PARD3: variants seen among roughly 807,000 people sequenced by gnomAD.
The protein encoded by PARD3 is partitioning defective 3 homolog.
Under a neutral mutation model 155.4 loss-of-function variants are expected in PARD3, and 75 were observed. The ratio of observed to expected loss-of-function variants is 0.48; its 90% CI spans 0.40 to 0.58. PARD3 has a LOEUF of 0.58. PARD3 is among the 20% of genes least tolerant of loss of function. The pLI is 0.00. For missense variants in PARD3, 1,642 were observed against 1,721.7 expected (o/e 0.95, Z 0.82); for synonymous variants, 576 against 610.5 (o/e 0.94, Z 0.83).
At chr10:34,463,385 G>GAA (rs1184365647) in intron 4 of PARD3, among the ~76,000 whole-genome samples, 5 of 144,124 alleles carry the variant, frequency 3.5e-5, no homozygotes, top group Admixed American at 1.4e-4. Context: ...AGGGGAAGGG[G>GAA]AAAAGGAAGG....
intron 12 of PARD3, among the ~76,000 whole-genome samples, chr10:34,367,147 C>A (rs1840043666): frequency 6.6e-6 from 1 of 152,168 alleles, no homozygotes; most frequent in South Asian, 2.1e-4. Context: ...TCAAAGTAAT[C>A]TGCCCCTTCA....
intron 22 of PARD3, among the ~76,000 whole-genome samples, chr10:34,229,659 T>TGC (rs1161881078): frequency 9.2e-4 from 94 of 101,914 alleles, no homozygotes; most frequent in Admixed American, 5.7e-4. Context: ...TAGTTGAGGG[T>TGC]GCGTGTGTGT....
chr10:34,160,205 C>T (rs1319302843), intron 22 of PARD3, among the ~76,000 whole-genome samples: 2 of 152,128 alleles, frequency 1.3e-5, no homozygotes, highest in Non-Finnish European at 2.9e-5. Flanking sequence ...AGTTATCATT[C>T]GAATGCACTG....
chr10:34,486,955 T>C (rs2133269767), intron 3 of PARD3, among the ~76,000 whole-genome samples: 1 of 152,232 alleles, frequency 6.6e-6, no homozygotes, highest in East Asian at 1.9e-4. Flanking sequence ...TGATTTATTC[T>C]CTCTCTCCAG....
At chr10:34,320,941 G>A (rs951348617) in intron 19 of PARD3, among the ~76,000 whole-genome samples, 4 of 152,052 alleles carry the variant, frequency 2.6e-5, no homozygotes, top group Non-Finnish European at 5.9e-5. Context: ...GCAATATGTA[G>A]CTTCATATGT....
intron 20 of PARD3, among the ~76,000 whole-genome samples, chr10:34,291,124 C>T (rs1956656377): frequency 6.6e-6 from 1 of 152,184 alleles, no homozygotes; most frequent in Non-Finnish European, 1.5e-5. Flanking sequence ...AACACAATAA[C>T]AAACTTACTT....
intron 2 of PARD3, among the ~76,000 whole-genome samples, chr10:34,652,425 T>C (rs1185436609): frequency 6.6e-6 from 1 of 152,182 alleles, no homozygotes; most frequent in African/African-American, 2.4e-5. Flanking sequence ...TTTCACTTTC[T>C]TCCCAAGCTA....
intron 2 of PARD3, among the ~76,000 whole-genome samples, chr10:34,555,418 T>C (rs1034010331): frequency 3.9e-5 from 6 of 152,212 alleles, no homozygotes; most frequent in Non-Finnish European, 5.9e-5. Flanking sequence ...TGTTTTGGAA[T>C]TCACTTAGAA....
chr10:34,651,284 G>A (rs542399223), intron 2 of PARD3, among the ~76,000 whole-genome samples: 10 of 152,188 alleles, frequency 6.6e-5, no homozygotes, highest in East Asian at 1.9e-4. Context: ...TGACACACAC[G>A]TCCTCTTAAG....
chr10:34,409,055 C>A (rs552795615), intron 5 of PARD3, among the ~76,000 whole-genome samples: 16 of 152,144 alleles, frequency 1.1e-4, no homozygotes, highest in Non-Finnish European at 1.9e-4. Context: ...TAAGCGCCAT[C>A]CCCTCAACCA....
At chr10:34,241,115 A>T (rs1953561386) in intron 22 of PARD3, among the ~76,000 whole-genome samples, 1 of 152,216 alleles carries the variant, frequency 6.6e-6, no homozygotes, top group Non-Finnish European at 1.5e-5. Context: ...ATCTATGTAT[A>T]AAAAGCATTC....
chr10:34,450,285 A>G, intron 5 of PARD3, 32 bp downstream of exon 5: 1 of 1,600,118 alleles, frequency 6.2e-7, no homozygotes, highest in Non-Finnish European at 8.5e-7. Flanking sequence ...ATGTTACAGC[A>G]ATGACGCACA....
At chr10:34,422,479 G>A (rs2075366588) in intron 5 of PARD3, among the ~76,000 whole-genome samples, 1 of 151,516 alleles carries the variant, frequency 6.6e-6, no homozygotes, top group Non-Finnish European at 1.5e-5. Flanking sequence ...ACAATCAACA[G>A]AGTAAAAACA....
chr10:34,644,876 T>G (rs912078281), intron 2 of PARD3, among the ~76,000 whole-genome samples: 1 of 152,148 alleles, frequency 6.6e-6, no homozygotes, highest in Non-Finnish European at 1.5e-5. Flanking sequence ...ATTTTAGAAA[T>G]AGGGTCTTAC....
intron 2 of PARD3, among the ~76,000 whole-genome samples, chr10:34,649,739 T>C (rs926211017): frequency 6.6e-6 from 1 of 152,220 alleles, no homozygotes; most frequent in Non-Finnish European, 1.5e-5. Context: ...TAAACTTAGA[T>C]TACTGTAACT....
At chr10:34,179,056 A>C (rs561282633) in intron 22 of PARD3, among the ~76,000 whole-genome samples, 9 of 146,586 alleles carry the variant, frequency 6.1e-5, no homozygotes, top group African/African-American at 2.2e-4. Context: ...GGCAGAGAAG[A>C]AAGCAAGGGA....
intron 21 of PARD3, among the ~76,000 whole-genome samples, chr10:34,282,586 T>C (rs1589045311): frequency 1.3e-5 from 2 of 152,082 alleles, no homozygotes; most frequent in African/African-American, 4.8e-5. Context: ...GTTTAGAAGA[T>C]GAAAAATAGT....
chr10:34,546,581 G>T (rs1296301652), intron 2 of PARD3, among the ~76,000 whole-genome samples: 1 of 151,828 alleles, frequency 6.6e-6, no homozygotes, highest in East Asian at 1.9e-4. Context: ...TGTCACCCGG[G>T]CTGGCCTGGC....
chr10:34,657,956 C>CTT (rs1347829644), intron 2 of PARD3, among the ~76,000 whole-genome samples: 2 of 152,028 alleles, frequency 1.3e-5, no homozygotes. Context: ...ACTGTCCTAG[C>CTT]TAACACAGTG....
Sources: allele counts gnomAD v4.1 joint callset (sites outside exome capture counted in the v4.1 genomes callset), GRCh38; gene constraint gnomAD v4.1.1; transcripts MANE v1.5; gene names NCBI Gene and HGNC (gene_info 2026-07-23, HGNC 2026-07-21).